Variants in NLGN1 observed in about 807,000 individuals in gnomAD.
NLGN1 encodes neuroligin-1.
A neutral mutation model predicts 65.5 loss-of-function variants in NLGN1; 12 were observed. That is an observed-to-expected ratio of 0.18 (90% CI 0.12 to 0.30). The LOEUF (loss-of-function observed/expected upper bound fraction) is 0.30, where lower values mean the gene tolerates loss of function less well. Ranked by LOEUF, NLGN1 falls within the 10% of genes least tolerant of loss-of-function variation. The pLI is 1.00. For missense variants in NLGN1, 750 were observed against 1,007.1 expected (o/e 0.74, Z 3.46); for synonymous variants, 350 against 359.5 (o/e 0.97, Z 0.30).
At chr3:173,930,905 T>G (rs183520195) in intron 4 of NLGN1, among the ~76,000 whole-genome samples, 5 of 152,328 alleles carry the variant, frequency 3.3e-5, no homozygotes, top group African/African-American at 9.6e-5. Flanking sequence ...AGCTCTCTGA[T>G]GTTGTTTCTT....
chr3:174,184,442 A>G (rs1289074977), intron 4 of NLGN1, among the ~76,000 whole-genome samples: 2 of 152,186 alleles, frequency 1.3e-5, no homozygotes, highest in Non-Finnish European at 2.9e-5. Flanking sequence ...TTTATATTAA[A>G]TGTCATTTAA....
intron 4 of NLGN1, among the ~76,000 whole-genome samples, chr3:173,865,030 A>G (rs1239045108): frequency 6.6e-6 from 1 of 152,184 alleles, no homozygotes; most frequent in African/African-American, 2.4e-5. Context: ...TTGTTTAAAT[A>G]TTTCTGATTG....
chr3:173,455,279 A>G (rs1301284052), intron 2 of NLGN1, among the ~76,000 whole-genome samples: 1 of 152,144 alleles, frequency 6.6e-6, no homozygotes, highest in Non-Finnish European at 1.5e-5. Flanking sequence ...ACCTGGAGCA[A>G]GGGAGTAGAT....
At chr3:174,237,087 A>C (rs1000112294) in intron 4 of NLGN1, among the ~76,000 whole-genome samples, 2 of 152,106 alleles carry the variant, frequency 1.3e-5, no homozygotes, top group African/African-American at 4.8e-5. Context: ...TAAATTAGAA[A>C]TAATTATCAT....
At chr3:174,021,414 C>A (rs565745302) in intron 4 of NLGN1, among the ~76,000 whole-genome samples, 2 of 152,062 alleles carry the variant, frequency 1.3e-5, no homozygotes, top group African/African-American at 2.4e-5. Context: ...TTAAAAATAT[C>A]TTTTTGTGTA....
intron 4 of NLGN1, among the ~76,000 whole-genome samples, chr3:173,828,235 A>G (rs1721759940): frequency 6.6e-6 from 1 of 152,138 alleles, no homozygotes; most frequent in African/African-American, 2.4e-5. Context: ...TGGACACTTG[A>G]TTTAAACATT....
chr3:173,783,532 G>A (rs1456385437), intron 3 of NLGN1, among the ~76,000 whole-genome samples: 3 of 152,138 alleles, frequency 2.0e-5, no homozygotes, highest in Non-Finnish European at 4.4e-5. Flanking sequence ...TTGGATTAGC[G>A]CCATAGGCCA....
At chr3:173,517,795 T>TATC (rs2149121822) in intron 2 of NLGN1, among the ~76,000 whole-genome samples, 1 of 142,710 alleles carries the variant, frequency 7.0e-6, no homozygotes, top group Admixed American at 6.8e-5. Flanking sequence ...TCTATCTATC[T>TATC]ATCTATCATA....
intron 3 of NLGN1, among the ~76,000 whole-genome samples, chr3:173,711,808 G>A (rs769257241): frequency 3.3e-5 from 5 of 152,132 alleles, no homozygotes; most frequent in South Asian, 2.1e-4. Context: ...GGTAAGGTTA[G>A]AGACCAGAAC....
At position 173,549,184 on chromosome 3, in the gene NLGN1, TAAC is replaced by T. The variant is rs145462371; in HGVS notation, c.-320-55092_-320-55090del. Among the ~76,000 whole-genome samples, 586 of 152,084 alleles carry T rather than the reference TAAC, an allele frequency of 3.9e-3. 18 individuals carry two copies. The South Asian group carries it at 0.053, about 14-fold the overall frequency. On this transcript the variant is annotated intron_variant, in intron 2 of 6. Coordinates refer to ENST00000457714, the Ensembl canonical transcript of NLGN1. ...ACTATTCCCTTTTCACACAACTAGA[TAAC>T]AAATCCAGATAAATTATATGTTTGA...
intron 3 of NLGN1, among the ~76,000 whole-genome samples, chr3:173,724,085 C>G (rs1771345028): frequency 6.6e-6 from 1 of 152,142 alleles, no homozygotes; most frequent in Admixed American, 6.6e-5. Context: ...GGACATGATA[C>G]ATGTGAACTT....
At chr3:174,286,288 G>C (rs1443763564) in exon 7 of NLGN1, 2 of 151,376 alleles carry the variant, frequency 1.3e-5, no homozygotes, top group African/African-American at 4.8e-5. Flanking sequence ...TTTATGGAAA[G>C]TCAAACCAAA....
At chr3:173,855,641 C>T (rs547284996) in intron 4 of NLGN1, among the ~76,000 whole-genome samples, 5 of 152,148 alleles carry the variant, frequency 3.3e-5, no homozygotes, top group African/African-American at 7.2e-5. Flanking sequence ...ATGACCACAA[C>T]GGTTCAAAAA....
intron 4 of NLGN1, among the ~76,000 whole-genome samples, chr3:174,127,539 G>A (rs147496344): frequency 6.6e-6 from 1 of 151,948 alleles, no homozygotes; most frequent in Non-Finnish European, 1.5e-5. Context: ...TGCCAAACTC[G>A]TCTCTTCAAC....
intron 4 of NLGN1, among the ~76,000 whole-genome samples, chr3:173,946,588 T>C (rs1427328664): frequency 6.6e-6 from 1 of 152,192 alleles, no homozygotes; most frequent in African/African-American, 2.4e-5. Flanking sequence ...ATGTTTTTAG[T>C]ATAGATACCT....
At chr3:173,742,240 A>G (rs1774763102) in intron 3 of NLGN1, among the ~76,000 whole-genome samples, 1 of 152,124 alleles carries the variant, frequency 6.6e-6, no homozygotes, top group African/African-American at 2.4e-5. Context: ...GGAATTATCA[A>G]GAAGGACACT....
At chr3:174,039,152 G>C (rs1225368290) in intron 4 of NLGN1, among the ~76,000 whole-genome samples, 1 of 152,086 alleles carries the variant, frequency 6.6e-6, no homozygotes. Flanking sequence ...TTAGGAGTCA[G>C]TTATTTAGAA....
At chr3:173,406,677 C>A (rs901027512) in intron 1 of NLGN1, among the ~76,000 whole-genome samples, 1 of 151,554 alleles carries the variant, frequency 6.6e-6, no homozygotes, top group Admixed American at 6.6e-5. Flanking sequence ...CCGTTCTTAC[C>A]GTGCATTTCC....
intron 2 of NLGN1, among the ~76,000 whole-genome samples, chr3:173,521,401 C>T (rs934420327): frequency 6.6e-6 from 1 of 151,750 alleles, no homozygotes; most frequent in Non-Finnish European, 1.5e-5. Context: ...TCTATCCCTA[C>T]AAACTTTACT....
Sources: allele counts gnomAD v4.1 joint callset (sites outside exome capture counted in the v4.1 genomes callset), GRCh38; gene constraint gnomAD v4.1.1; transcripts MANE v1.5; gene names NCBI Gene and HGNC (gene_info 2026-07-23, HGNC 2026-07-21).